Variants in HIBCH observed in about 807,000 individuals in gnomAD.
HIBCH encodes 3-hydroxyisobutyryl-CoA hydrolase, also known as 3-hydroxyisobutyryl-CoA hydrolase, mitochondrial.
A neutral mutation model predicts 58.2 loss-of-function variants in HIBCH; 50 were observed. The ratio of observed to expected loss-of-function variants is 0.86; its 90% CI spans 0.68 to 1.09. The LOEUF (loss-of-function observed/expected upper bound fraction) is 1.09. HIBCH is among the 50% of genes least tolerant of loss of function. The pLI, the probability that HIBCH is intolerant of heterozygous loss-of-function variation, is 0.00. For missense variants in HIBCH, 450 were observed against 449.7 expected, an observed-to-expected ratio of 1.00 and a Z score of -0.01; for synonymous variants, 151 against 146.9, an observed-to-expected ratio of 1.03 and a Z score of -0.20.
chr2:190,217,106 C>T lies in HIBCH; in HGVS notation c.892-4031G>A, dbSNP rs573870496. 4.9e-4 allele frequency among the ~76,000 whole-genome samples: 74 copies of T among 152,324 alleles called. No homozygotes were observed. Among genetic ancestry groups the T allele is most frequent in the African/African-American group, 1.5e-3 (63 of 41,564 alleles). On this transcript the variant is annotated intron_variant, in intron 11 of 13. Transcript: ENST00000359678. The surrounding 1 kb of genome is among the most constrained non-coding windows in gnomAD (Gnocchi z 4.6). Reference sequence around the variant, plus strand: ...CAAACCAGCAGCTCTTGGCCCAGTGCCAGACCCAGCAGGGCCCGACCAAAG... The same window carrying T: ...CAAACCAGCAGCTCTTGGCCCAGTGTCAGACCCAGCAGGGCCCGACCAAAG...
chr2:190,213,323 C>A, intron 11 of HIBCH: 2 of 456,280 alleles, frequency 4.4e-6, no homozygotes, highest in Non-Finnish European at 8.0e-6. Flanking sequence ...TTGTAGTTTG[C>A]TTAGCATAAA....
At position 190,212,848 on chromosome 2, in the gene HIBCH, C is replaced by T. The variant is rs547204075; in HGVS notation, c.1011+108G>A. 2.9e-5 allele frequency: 27 copies of T among 943,104 alleles called. 1 individual carries two copies. In the East Asian group the frequency reaches 6.9e-4, roughly 24 times the overall value. 58.4% of individuals were successfully genotyped at this position (943,104 alleles called of 1,614,324 possible). A position where few individuals can be genotyped will look rare whatever the true frequency, so the allele number is the denominator to read the frequency against. ...GTTGTGTTTTTGTAGAGTAAATTTA[C>T]AGGTGGTTTTAATTTTCTTGTTTGC... On this transcript the variant is annotated intron_variant, in intron 12 of 13. Transcript: ENST00000359678.
At chr2:190,250,757 A>G (rs888449449) in intron 8 of HIBCH, among the ~76,000 whole-genome samples, 6 of 152,310 alleles carry the variant, frequency 3.9e-5, no homozygotes, top group Non-Finnish European at 8.8e-5. Context: ...GACAATCTTC[A>G]ATTTTGTATG....
At chr2:190,237,444 A>G (rs1212631055) in intron 11 of HIBCH, among the ~76,000 whole-genome samples, 1 of 152,156 alleles carries the variant, frequency 6.6e-6, no homozygotes, top group Admixed American at 6.5e-5. Context: ...CAATAAGTTT[A>G]TTCAGTAATT....
At chr2:190,295,806 G>T (rs927332484) in intron 3 of HIBCH, among the ~76,000 whole-genome samples, 2 of 152,148 alleles carry the variant, frequency 1.3e-5, no homozygotes, top group African/African-American at 4.8e-5. Context: ...AGAAACATAA[G>T]AATGGAAGAC....
At position 190,304,035 on chromosome 2, in the gene HIBCH, A is replaced by G. The variant is rs1300060979; in HGVS notation, c.78+6719T>C. Among the ~76,000 whole-genome samples the G allele has an allele frequency of 6.6e-6, 1 of 152,184 alleles. No individual in the cohort carries two copies. Among genetic ancestry groups the G allele is most frequent in the Non-Finnish European group, 1.5e-5 (1 of 68,028 alleles). ...ACTACTCCTTAAAATTGTCAAGGGC[A>G]TGAAAAATATGGAAAGATAAGTTGA... On this transcript the variant is annotated intron_variant, in intron 2 of 13. Coordinates refer to ENST00000359678, the MANE Select transcript of HIBCH (RefSeq NM_014362.4). This position sits in a 1 kb window ranked among gnomAD's most constrained non-coding sequence, Gnocchi z 4.1.
chr2:190,314,347 GTGTA>G (rs1559068520), intron 1 of HIBCH, among the ~76,000 whole-genome samples: 5 of 27,646 alleles, frequency 1.8e-4, no homozygotes, highest in Non-Finnish European at 3.8e-4. Flanking sequence ...ACATATATAT[GTGTA>G]TATATACGTA....
chr2:190,277,642 GTAAGAAAATAAACTGAAACCTAATT>G (rs1212027215), intron 6 of HIBCH, among the ~76,000 whole-genome samples: 1 of 152,148 alleles, frequency 6.6e-6, no homozygotes, highest in East Asian at 1.9e-4. Context: ...TGCAACCTTA[GTAAGAAAATAAACTGAAACCTAATT>G]TAAGAGTATA....
intron 1 of HIBCH, among the ~76,000 whole-genome samples, chr2:190,313,643 C>CAA (rs546101154): frequency 0.034 from 2,635 of 78,420 alleles, 154 homozygotes; most frequent in African/African-American, 0.061. Flanking sequence ...CTCTGTCTCA[C>CAA]AAAAAAAAAA....
chr2:190,264,869 T>C (rs1687188549), intron 6 of HIBCH, among the ~76,000 whole-genome samples: 1 of 152,002 alleles, frequency 6.6e-6, no homozygotes, highest in Non-Finnish European at 1.5e-5. Context: ...ATGCCTATAA[T>C]CCCAGCACTT....
At chr2:190,282,017 A>G (rs1333460435) in intron 6 of HIBCH, among the ~76,000 whole-genome samples, 2 of 152,116 alleles carry the variant, frequency 1.3e-5, no homozygotes, top group Admixed American at 1.3e-4. Context: ...CACTTAAATA[A>G]TCTCTAAGAA....
rs34508159 is a variant in HIBCH, at chr2:190,304,252, T to TAA, written c.78+6500_78+6501dup. On this transcript the variant is annotated intron_variant, in intron 2 of 13. Transcript: ENST00000359678. The surrounding 1 kb of genome is among the most constrained non-coding windows in gnomAD (Gnocchi z 4.1). The stretch of plus-strand genomic sequence containing the variant: ...GAATACCTGAAACTGTGTAATTTGT[T>TAA]AAAAAAAAAAAAAAAAAGGAATTTA... 0.01 allele frequency among the ~76,000 whole-genome samples: 1,481 copies of TAA among 145,556 alleles called. 20 individuals are homozygous for TAA. The highest frequency in any genetic ancestry group is 0.034 in the African/African-American group (1,362 of 39,496).
intron 11 of HIBCH, among the ~76,000 whole-genome samples, chr2:190,228,774 C>T (rs1421026541): frequency 6.6e-6 from 1 of 152,108 alleles, no homozygotes; most frequent in East Asian, 1.9e-4. Context: ...AATCAGTTGT[C>T]TCCTATTGTC....
chr2:190,253,018 G>A (rs745370001), intron 7 of HIBCH, among the ~76,000 whole-genome samples: 1 of 151,930 alleles, frequency 6.6e-6, no homozygotes, highest in Non-Finnish European at 1.5e-5. Context: ...GTGAAACCCC[G>A]TCTCTACTAA....
chr2:190,230,219 C>T (rs1422843247), intron 11 of HIBCH, among the ~76,000 whole-genome samples: 1 of 151,818 alleles, frequency 6.6e-6, no homozygotes, highest in Admixed American at 6.6e-5. Flanking sequence ...ACTAAGAATT[C>T]TGACCAATAA....
intron 11 of HIBCH, among the ~76,000 whole-genome samples, chr2:190,241,565 C>G (rs1686454560): frequency 6.6e-6 from 1 of 152,108 alleles, no homozygotes. Context: ...TGTTGTTGGT[C>G]TTTGTATTTT....
intron 11 of HIBCH, among the ~76,000 whole-genome samples, chr2:190,218,516 TCCTGG>T (rs1685623450): frequency 6.6e-6 from 1 of 152,104 alleles, no homozygotes; most frequent in African/African-American, 2.4e-5. Flanking sequence ...TTACTAGAAC[TCCTGG>T]TCTTACTACT....
chr2:190,261,388 C>T (rs1687085457), intron 6 of HIBCH, among the ~76,000 whole-genome samples, 154 bp from the exon 7 acceptor site: 1 of 152,152 alleles, frequency 6.6e-6, no homozygotes, highest in African/African-American at 2.4e-5. Flanking sequence ...CCACCTCTTT[C>T]AATTAACTTT....
At chr2:190,213,437 G>T in intron 11 of HIBCH, 2 of 240,288 alleles carry the variant, frequency 8.3e-6, no homozygotes, top group South Asian at 1.1e-4. Flanking sequence ...CGCATACAGT[G>T]GTCCATTTCC....
Sources: gnomAD v4.1 joint callset for allele counts (sites outside exome capture counted in the v4.1 genomes callset) on GRCh38, gnomAD v4.1.1 for gene constraint, Gnocchi (gnomAD v3.1) non-coding constraint, MANE v1.5 for transcripts, NCBI Gene and HGNC (gene_info 2026-07-23, HGNC 2026-07-21) for gene names.